ZNF320: variants seen among roughly 807,000 people sequenced by gnomAD.
ZNF320 encodes the protein zinc finger gene 320.
ZNF320 carries 2 observed loss-of-function variants against 6.8 expected under a neutral mutation model. The ratio of observed to expected loss-of-function variants is 0.29; its 90% CI spans 0.12 to 0.93. The LOEUF (loss-of-function observed/expected upper bound fraction) is 0.93. Among genes scored for constraint, ZNF320 ranks in the 40% least tolerant of loss-of-function variants. The pLI is 0.55. For missense variants in ZNF320, 472 were observed against 611.0 expected, an observed-to-expected ratio of 0.77 and a Z score of 2.40; for synonymous variants, 208 against 203.2, an observed-to-expected ratio of 1.02 and a Z score of -0.20.
In ZNF320 at chr19:52,881,768, T is replaced by A. The variant is rs1386335080; in HGVS notation, c.358A>T (p.Thr120Ser). The A allele has an allele frequency of 6.2e-7, 1 of 1,613,854 alleles. No homozygotes were observed. Among genetic ancestry groups the A allele is most frequent in the East Asian group, 2.2e-5 (1 of 44,872 alleles). Residue 120 changes from threonine (T) to serine (S), a missense_variant, in exon 6 of 6, where the codon ACT becomes TCT. This residue lies in a region of ZNF320 where 462 missense variants were observed against 559.7 expected (regional missense o/e 0.83). Transcript: ENST00000682928. ...EAPMTEIKKL[T>S]SSTDRYDQRH... is the part of the protein sequence containing the mutation. ...TGATCATATCGGTCTGTACTACTAG[T>A]CAACTTTTTTATTTCTGTCATGGGT... is the stretch of plus-strand genomic sequence containing the variant.
At chr19:52,898,982 T>C (rs2064550285), upstream of ZNF320, among the ~76,000 whole-genome samples, 2 of 152,146 alleles carry the variant, frequency 1.3e-5, no homozygotes, top group African/African-American at 4.8e-5. Context: ...TATGAGAGGG[T>C]CTCTGTCTTC....
At position 52,880,606 on chromosome 19, in the gene ZNF320, CT is replaced by C. The variant is rs778304049; in HGVS notation, c.1519del (p.Ser507AlafsTer13). 4.4e-6 allele frequency: 7 copies of C among 1,598,646 alleles called. 1 individual carries two copies. Among genetic ancestry groups the C allele is most frequent in the Middle Eastern group, 3.4e-4 (2 of 5,966 alleles). ...GATTTGACTCTGATGTCAATTAATG[CT>C]TGATGGTTTGCTATACTCATTGCAC... ...FKCNEYSKPSSIN is the reference protein window; with the variant it reads ...FKCNEYSKPSXIN On this transcript the variant is annotated frameshift_variant, in exon 6 of 6. Coordinates refer to ENST00000682928, the MANE Select transcript of ZNF320 (RefSeq NM_001351774.2). LOFTEE classifies it high-confidence loss of function.
Position 52,880,898 on chromosome 19 carries a change from C to T in ZNF320, c.1228G>A (p.Glu410Lys), listed in dbSNP as rs780533589. ...LACHQKLHTG[E>K]KLYECEECDK... ...CATTCTTCACATTCGTAAAGTTTCT[C>T]TCCAGTATGAAGTTTTTGATGACAT... The change falls in exon 6 of 6, where the codon GAG becomes AAG. Residue 410 changes from glutamate to lysine, a missense_variant. Around this residue, in one of 2 missense-constraint regions of ZNF320, gnomAD observed 462 missense variants for 559.7 expected, o/e 0.83. Coordinates refer to ENST00000682928, the MANE Select transcript of ZNF320 (RefSeq NM_001351774.2). 6.2e-7 allele frequency: 1 copy of T among 1,613,368 alleles called. No individual in the cohort carries two copies. Among genetic ancestry groups the T allele is most frequent in the Non-Finnish European group, 8.5e-7 (1 of 1,179,454 alleles).
chr19:52,896,509 G>A (rs1468247954), intron 1 of ZNF320, among the ~76,000 whole-genome samples: 1 of 152,124 alleles, frequency 6.6e-6, no homozygotes, highest in Non-Finnish European at 1.5e-5. Flanking sequence ...TGGAGTTGGA[G>A]ACCAGCCTGA....
chr19:52,895,980 A>C (rs1198937929), intron 1 of ZNF320, among the ~76,000 whole-genome samples: 2 of 152,194 alleles, frequency 1.3e-5, no homozygotes, highest in Non-Finnish European at 2.9e-5. Flanking sequence ...TACATCTAAA[A>C]ATGTATATAT....
At chr19:52,869,667 GC>G (rs1300668106) in intron 5 of ZNF320, among the ~76,000 whole-genome samples, 5 of 152,100 alleles carry the variant, frequency 3.3e-5, no homozygotes, top group Non-Finnish European at 5.9e-5. Context: ...CTCCTGAGTA[GC>G]TGGGATAACA....
At chr19:52,870,942 C>T (rs907182120) in intron 5 of ZNF320, among the ~76,000 whole-genome samples, 6 of 151,918 alleles carry the variant, frequency 3.9e-5, no homozygotes, top group Non-Finnish European at 5.9e-5. Context: ...GTCAGGATTT[C>T]CCGACCAGCC....
At position 52,880,234 on chromosome 19, in the gene ZNF320, GC is replaced by G. The variant is rs1358253671; in HGVS notation, c.*361del. 5.9e-6 allele frequency: 1 copy of G among 170,912 alleles called. No homozygotes were observed. The highest frequency in any genetic ancestry group is 2.4e-5 in the African/African-American group (1 of 41,870). The allele number at this position is 170,912 out of a possible 1,614,324, so 10.6% of individuals were successfully genotyped here. On this transcript the variant is annotated 3_prime_UTR_variant, in exon 6 of 6. Coordinates refer to ENST00000682928, the MANE Select transcript of ZNF320 (RefSeq NM_001351774.2). ...ATGGTGGCACGCACCTGTAGTCCCAGCTACTCAGGAGACTGAGGCAGGAGAA... is the reference window on the plus strand; with the variant it reads ...ATGGTGGCACGCACCTGTAGTCCCAGTACTCAGGAGACTGAGGCAGGAGAA...
At chr19:52,872,668 A>AT (rs2063700610), downstream of ZNF320, among the ~76,000 whole-genome samples, 3 of 151,948 alleles carry the variant, frequency 2.0e-5, no homozygotes, top group East Asian at 1.9e-4. Flanking sequence ...GGCCCGGCTA[A>AT]TTTTTTCTAT....
downstream of ZNF320, among the ~76,000 whole-genome samples, chr19:52,872,496 GTATTTAT>G (rs1296098721): frequency 6.6e-6 from 1 of 152,060 alleles, no homozygotes. Flanking sequence ...AGTTCCCTCA[GTATTTAT>G]TATTTATTTA....
chr19:52,885,793 C>T (rs2064058282), intron 5 of ZNF320, among the ~76,000 whole-genome samples: 1 of 152,022 alleles, frequency 6.6e-6, no homozygotes, highest in East Asian at 1.9e-4. Flanking sequence ...GTAATCCCAG[C>T]TACTCGACAG....
chr19:52,884,602 G>A (rs1052099592), intron 5 of ZNF320, among the ~76,000 whole-genome samples: 8 of 152,156 alleles, frequency 5.3e-5, no homozygotes, highest in African/African-American at 1.2e-4. Flanking sequence ...TTAGGTGTGA[G>A]CCACTGCGCC....
At position 52,881,421 on chromosome 19, in the gene ZNF320, A is replaced by G. The variant is rs2063915681; in HGVS notation, c.705T>C (p.His235=). 7 of 1,613,972 alleles carry G rather than the reference A, an allele frequency of 4.3e-6. No individual in the cohort carries two copies. Among genetic ancestry groups the G allele is most frequent in the Admixed American group, 3.3e-5 (2 of 60,010 alleles). Residue 235 remains histidine, a synonymous_variant, in exon 6 of 6, where the codon CAT becomes CAC. Coordinates refer to ENST00000682928, the MANE Select transcript of ZNF320 (RefSeq NM_001351774.2). ...VFDQKATLAC[H]HRSHTGEKPY... Reference sequence around the variant, plus strand: ...GTTTCTCTCCAGTATGACTTCTATGATGACATGCAAGGGTTGCTTTTTGAT... The same window carrying G: ...GTTTCTCTCCAGTATGACTTCTATGGTGACATGCAAGGGTTGCTTTTTGAT...
intron 3 of ZNF320, among the ~76,000 whole-genome samples, 164 bp downstream of exon 3, chr19:52,891,065 C>T (rs1225770423): frequency 1.3e-5 from 2 of 152,126 alleles, no homozygotes; most frequent in Admixed American, 6.6e-5. Context: ...TGGAGGATCA[C>T]TTGAACCTGG....
chr19:52,864,635 C>T (rs2063511730), intron 5 of ZNF320, among the ~76,000 whole-genome samples: 1 of 152,060 alleles, frequency 6.6e-6, no homozygotes, highest in African/African-American at 2.4e-5. Flanking sequence ...CCTCTTCTCC[C>T]AGGAGGCAGA....
intron 5 of ZNF320, chr19:52,883,753 T>C: frequency 3.0e-6 from 1 of 334,134 alleles, no homozygotes; most frequent in South Asian, 2.1e-5. Flanking sequence ...CAAAAAAAAT[T>C]AGCTGGACGT....
In ZNF320 at chr19:52,890,256, CCCCGACT is replaced by C. The variant is rs1600646432; in HGVS notation, c.-8_-2del. 6.2e-7 allele frequency: 1 copy of C among 1,607,546 alleles called. No homozygotes were observed. Among genetic ancestry groups the C allele is most frequent in the East Asian group, 2.2e-5 (1 of 44,864 alleles). Reference sequence around the variant, plus strand: ...ATCATCTCACCTGAGAAAGAGCCATCCCCGACTCCTTTGCTTTCCTCTTCCTCTTCTG... The same window carrying C: ...ATCATCTCACCTGAGAAAGAGCCATCCCTTTGCTTTCCTCTTCCTCTTCTG... On this transcript the variant is annotated 5_prime_UTR_variant, in exon 4 of 6. Transcript: ENST00000682928.
intron 5 of ZNF320, among the ~76,000 whole-genome samples, chr19:52,884,619 A>G (rs935243652): frequency 6.6e-6 from 1 of 151,958 alleles, no homozygotes; most frequent in Non-Finnish European, 1.5e-5. Flanking sequence ...CGCCTGGCCC[A>G]TTTTTGGCAT....
downstream of ZNF320, among the ~76,000 whole-genome samples, chr19:52,871,446 GAC>G: frequency 6.6e-6 from 1 of 152,198 alleles, no homozygotes. Context: ...TTGAGCCTGG[GAC>G]ACAGAGGTTA....
Sources: gnomAD v4.1 joint callset for allele counts (sites outside exome capture counted in the v4.1 genomes callset) on GRCh38, gnomAD v4.1.1 for gene constraint, gnomAD v4.1.1 regional missense constraint, MANE v1.5 for transcripts, NCBI Gene and HGNC (gene_info 2026-07-23, HGNC 2026-07-21) for gene names.